Variants in DARS1 observed in about 807,000 individuals in gnomAD.
DARS1 encodes aspartyl-tRNA synthetase 1.
In DARS1, 51 loss-of-function variants were observed where a neutral mutation model predicts 68.8. The ratio of observed to expected loss-of-function variants is 0.74; its 90% CI spans 0.59 to 0.94. The LOEUF (loss-of-function observed/expected upper bound fraction) is 0.94. Ranked by LOEUF, DARS1 falls within the 40% of genes least tolerant of loss-of-function variation. The pLI is 0.00. For synonymous variants in DARS1, 203 were observed against 190.4 expected (o/e 1.07, Z -0.55); for missense variants, 607 against 597.3 (o/e 1.02, Z -0.17).
At chr2:135,939,294 A>G (rs1681542822) in intron 5 of DARS1, among the ~76,000 whole-genome samples, 1 of 152,212 alleles carries the variant, frequency 6.6e-6, no homozygotes, top group Non-Finnish European at 1.5e-5. Context: ...AAGAACAGAA[A>G]TTATAACAAA....
intron 4 of DARS1, among the ~76,000 whole-genome samples, chr2:135,946,160 A>G (rs1681715527): frequency 6.6e-6 from 1 of 152,242 alleles, no homozygotes; most frequent in Non-Finnish European, 1.5e-5. Flanking sequence ...ATACTTGCGT[A>G]CATTACTGCA....
intron 9 of DARS1, among the ~76,000 whole-genome samples, chr2:135,922,087 T>C (rs1333914588): frequency 6.6e-6 from 1 of 152,190 alleles, no homozygotes; most frequent in Non-Finnish European, 1.5e-5. Context: ...TATGTGCCTG[T>C]GCTTGACTTT....
At chr2:135,907,517 G>T in intron 15 of DARS1, 110 bp from the exon 16 acceptor site, 1 of 655,684 alleles carries the variant, frequency 1.5e-6, no homozygotes, top group Non-Finnish European at 2.5e-6. Flanking sequence ...TCCTTGTTAG[G>T]AAAGAAAATG....
intron 7 of DARS1, among the ~76,000 whole-genome samples, chr2:135,930,882 G>C (rs3768999): frequency 0.014 from 2,117 of 152,274 alleles, 43 homozygotes; most frequent in African/African-American, 0.038. Flanking sequence ...AACCTATGAG[G>C]ATGAAGCTAA....
intron 7 of DARS1, among the ~76,000 whole-genome samples, chr2:135,925,376 T>C (rs1037357214): frequency 6.6e-6 from 1 of 152,096 alleles, no homozygotes; most frequent in Non-Finnish European, 1.5e-5. Context: ...AATAACTGAG[T>C]TAGGTGAAGA....
chr2:135,911,849 A>C (rs1204232961), intron 13 of DARS1, among the ~76,000 whole-genome samples: 1 of 152,086 alleles, frequency 6.6e-6, no homozygotes, highest in Non-Finnish European at 1.5e-5. Context: ...TGAGTCTTTA[A>C]ATTATTATTA....
chr2:135,979,099 T>C (rs1296565198), intron 3 of DARS1, 175 bp downstream of exon 3: 1 of 465,580 alleles, frequency 2.1e-6, no homozygotes, highest in African/African-American at 2.0e-5. Context: ...AAGGATGTTT[T>C]ACAGGAATCT....
At chr2:135,930,266 T>C (rs1191448439) in intron 7 of DARS1, among the ~76,000 whole-genome samples, 1 of 152,192 alleles carries the variant, frequency 6.6e-6, no homozygotes, top group African/African-American at 2.4e-5. Context: ...AGTTACAGAA[T>C]TACATAGTAG....
intron 15 of DARS1, among the ~76,000 whole-genome samples, chr2:135,908,289 C>T (rs764093224): frequency 2.6e-5 from 4 of 152,074 alleles, no homozygotes; most frequent in South Asian, 4.1e-4. Context: ...TAAAAAACAG[C>T]GTTAAAATAC....
Position 135,979,520 on chromosome 2 carries a change from T to G in DARS1, c.125-154A>C, listed in dbSNP as rs12613074. Among the ~76,000 whole-genome samples, 1,170 of 152,332 alleles carry G rather than the reference T, an allele frequency of 7.7e-3. 100 individuals carry two copies. In the East Asian group the frequency reaches 0.2, roughly 25 times the overall value. ...GACAACACTGTCTTCTCTATCATGT[T>G]CCATGTGCAATTTGCCTCAAGTTTT... On this transcript the variant is annotated intron_variant, in intron 2 of 15. Transcript: ENST00000264161.
intron 3 of DARS1, among the ~76,000 whole-genome samples, chr2:135,973,731 G>A (rs532896943): frequency 1.5e-4 from 23 of 151,956 alleles, no homozygotes; most frequent in African/African-American, 5.3e-4. Context: ...TTAGCTGGGC[G>A]TGGTGACATG....
intron 3 of DARS1, among the ~76,000 whole-genome samples, chr2:135,977,166 G>A (rs970274126): frequency 3.3e-5 from 5 of 152,178 alleles, no homozygotes; most frequent in African/African-American, 9.6e-5. Context: ...GGCTTACACT[G>A]CACCAAGCAT....
chr2:135,911,024 C>T (rs1680884610), intron 15 of DARS1, 115 bp downstream of exon 15: 3 of 593,494 alleles, frequency 5.1e-6, no homozygotes, highest in Admixed American at 6.5e-5. Context: ...TATTTTGTTT[C>T]TTGGAAATCA....
chr2:135,923,609 T>C (rs1212376493), intron 8 of DARS1, among the ~76,000 whole-genome samples: 1 of 152,156 alleles, frequency 6.6e-6, no homozygotes, highest in Non-Finnish European at 1.5e-5. Flanking sequence ...TTTTTCTAAT[T>C]ATTAAGAATG....
intron 3 of DARS1, among the ~76,000 whole-genome samples, chr2:135,976,146 T>C (rs1682492990): frequency 1.3e-5 from 2 of 152,208 alleles, no homozygotes; most frequent in African/African-American, 4.8e-5. Context: ...AAAACACTGA[T>C]ACAGCATATG....
intron 2 of DARS1, among the ~76,000 whole-genome samples, chr2:135,983,056 G>T (rs1033477069): frequency 6.6e-6 from 1 of 152,176 alleles, no homozygotes; most frequent in African/African-American, 2.4e-5. Flanking sequence ...ATGCAAAAAG[G>T]CTACATGTGA....
intron 4 of DARS1, among the ~76,000 whole-genome samples, chr2:135,943,804 C>T (rs558260422): frequency 2.0e-5 from 3 of 152,268 alleles, no homozygotes; most frequent in Admixed American, 1.3e-4. Flanking sequence ...ATTTCCCTCC[C>T]TATTTTTGAG....
chr2:135,927,034 TCTC>T (rs1407988638), intron 7 of DARS1, among the ~76,000 whole-genome samples: 2 of 152,186 alleles, frequency 1.3e-5, no homozygotes, highest in African/African-American at 4.8e-5. Context: ...TATTTTTTCT[TCTC>T]CTGATCAAAA....
chr2:135,965,210 G>A (rs1290867534), intron 3 of DARS1, among the ~76,000 whole-genome samples: 1 of 152,012 alleles, frequency 6.6e-6, no homozygotes, highest in African/African-American at 2.4e-5. Flanking sequence ...ATATCACGGA[G>A]GAAGGGAAAA....
Sources: gnomAD v4.1 joint callset for allele counts (sites outside exome capture counted in the v4.1 genomes callset) on GRCh38, gnomAD v4.1.1 for gene constraint, MANE v1.5 for transcripts, NCBI Gene and HGNC (gene_info 2026-07-23, HGNC 2026-07-21) for gene names.